Variants in ALG13 observed in about 807,000 individuals in gnomAD.
ALG13 encodes the protein UDP-N-acetylglucosamine transferase subunit ALG13.
In ALG13, 11 loss-of-function variants were observed where a neutral mutation model predicts 87.8. That is an observed-to-expected ratio of 0.13 (90% CI 0.08 to 0.21). ALG13 has a LOEUF of 0.21. ALG13 is among the 10% of genes least tolerant of loss of function. The pLI is 1.00. For missense variants in ALG13, 756 were observed against 866.1 expected (o/e 0.87, Z 1.60); for synonymous variants, 320 against 306.3 (o/e 1.04, Z -0.47).
intron 3 of ALG13, among the ~76,000 whole-genome samples, chrX:111,692,700 T>C (rs1936334231): frequency 8.9e-6 from 1 of 111,972 alleles, no homozygotes. Context: ...CTGTCAGGGA[T>C]TTGTGGCAAA....
Position 111,690,051 on chromosome X carries a change from T to C in ALG13, c.383+4948T>C, listed in dbSNP as rs766868432. ...AGACTTTAAGACAGAATTGTAGACT[T>C]TTGGAGTTGGGAGATAATTTAAAGA... On this transcript the variant is annotated intron_variant, in intron 3 of 26. Coordinates refer to ENST00000394780, the MANE Select transcript of ALG13 (RefSeq NM_001099922.3). The C allele has an allele frequency of 1.5e-5, 11 of 742,285 alleles. No homozygotes were observed. The African/African-American group carries it at 2.3e-4, about 16-fold the overall frequency. The allele number at this position is 742,285 out of a possible 1,213,427, so 61.2% of individuals were successfully genotyped here. A position where few individuals can be genotyped will look rare whatever the true frequency, so the allele number is the denominator to read the frequency against.
chrX:111,681,667 C>T, intron 1 of ALG13: 1 of 896,100 alleles, frequency 1.1e-6, no homozygotes, highest in South Asian at 3.5e-5. Context: ...AGTTTTTCCT[C>T]AGGCCCCCCT....
At chrX:111,703,976 T>G (rs1422746352) in intron 3 of ALG13, among the ~76,000 whole-genome samples, 2 of 112,391 alleles carry the variant, frequency 1.8e-5, no homozygotes, top group African/African-American at 6.5e-5. Flanking sequence ...ACATTCCCAC[T>G]AGCAACGTAT....
intron 3 of ALG13, among the ~76,000 whole-genome samples, chrX:111,707,678 T>C (rs371962563): frequency 9.0e-6 from 1 of 111,610 alleles, no homozygotes; most frequent in Non-Finnish European, 1.9e-5. Flanking sequence ...AGCAGGGAAT[T>C]TGGGGAGAGA....
At chrX:111,754,965 C>T (rs5985642) in intron 25 of ALG13, among the ~76,000 whole-genome samples, 11,190 of 111,472 alleles carry the variant, frequency 0.1, 1,381 homozygotes, top group African/African-American at 0.35. Context: ...ATAGCCAAGA[C>T]AATCCCAAGC....
chrX:111,697,076 C>A (rs965005264), intron 3 of ALG13, among the ~76,000 whole-genome samples: 7 of 104,084 alleles, frequency 6.7e-5, no homozygotes, highest in Admixed American at 6.5e-4. Context: ...TAAGCACGAA[C>A]GTGCTAAACA....
intron 3 of ALG13, among the ~76,000 whole-genome samples, chrX:111,690,696 C>T (rs981391908): frequency 1.4e-4 from 15 of 110,023 alleles, no homozygotes; most frequent in Non-Finnish European, 2.3e-4. Flanking sequence ...TCAGGCAATC[C>T]GCCCGCCTCG....
chrX:111,755,678 A>G lies in ALG13; in HGVS notation c.2974-1910A>G, dbSNP rs191875060. 7.3e-3 allele frequency among the ~76,000 whole-genome samples: 821 copies of G among 112,789 alleles called. 19 individuals carry two copies. Among genetic ancestry groups the G allele is most frequent in the South Asian group, 0.02 (55 of 2,749 alleles). ...GGCCAACAAACAGGAAGAACTCATC[A>G]CTGGTCATTAGAGAAATGCAAATCA... On this transcript the variant is annotated intron_variant, in intron 25 of 26. Coordinates refer to ENST00000394780, the MANE Select transcript of ALG13 (RefSeq NM_001099922.3).
intron 24 of ALG13, among the ~76,000 whole-genome samples, chrX:111,745,177 G>A (rs1373764707): frequency 1.8e-5 from 2 of 111,688 alleles, no homozygotes; most frequent in Non-Finnish European, 3.8e-5. Flanking sequence ...CCCTGAAGAA[G>A]ATTCTCAAAT....
At chrX:111,741,771 T>C (rs1474163619) in intron 23 of ALG13, among the ~76,000 whole-genome samples, 1 of 106,672 alleles carries the variant, frequency 9.4e-6, no homozygotes, top group Non-Finnish European at 1.9e-5. Flanking sequence ...TGAGATCACA[T>C]CATTGCACTC....
chrX:111,752,380 T>TA (rs1944829376), intron 24 of ALG13, among the ~76,000 whole-genome samples: 1 of 111,733 alleles, frequency 8.9e-6, no homozygotes, highest in Non-Finnish European at 1.9e-5. Context: ...TGTGGCAAGA[T>TA]TACATTGATA....
At chrX:111,758,160 A>G (rs542183982) in intron 26 of ALG13, among the ~76,000 whole-genome samples, 1 of 111,999 alleles carries the variant, frequency 8.9e-6, no homozygotes, top group East Asian at 2.8e-4. Context: ...TTTTTACTAA[A>G]TTTTTATCCT....
intron 6 of ALG13, among the ~76,000 whole-genome samples, chrX:111,712,187 C>T (rs1384910078): frequency 1.8e-5 from 2 of 111,974 alleles, no homozygotes; most frequent in African/African-American, 6.5e-5. Flanking sequence ...AGCACATTTA[C>T]TAAATCCCTA....
chrX:111,756,771 A>G (rs1945293453), intron 25 of ALG13, among the ~76,000 whole-genome samples: 2 of 112,250 alleles, frequency 1.8e-5, no homozygotes, highest in African/African-American at 6.5e-5. Context: ...GTCAGTGCCA[A>G]GAAAACTGTC....
intron 23 of ALG13, among the ~76,000 whole-genome samples, chrX:111,743,373 A>G (rs1943932327): frequency 8.9e-6 from 1 of 112,175 alleles, no homozygotes; most frequent in Admixed American, 9.5e-5. Flanking sequence ...ATTTCGAAAT[A>G]TATGACAAAA....
chrX:111,740,449 A>G (rs1326147489), intron 23 of ALG13, among the ~76,000 whole-genome samples: 2 of 111,075 alleles, frequency 1.8e-5, no homozygotes, highest in African/African-American at 3.3e-5. Flanking sequence ...ATATATATAT[A>G]TGTTTCCTCG....
rs1180708275 is a variant in ALG13, at chrX:111,728,304, T to A, written c.2367T>A (p.Asn789Lys). Residue 789 changes from asparagine (N) to lysine (K), a missense_variant and splice_region_variant, in exon 19 of 27, where the codon AAT (asparagine) becomes AAA (lysine). Transcript: ENST00000394780. Reference protein sequence around the residue: ...NLEEGNGQSENGRYHEEYLYR... With the variant: ...NLEEGNGQSEKGRYHEEYLYR... ...AGGAGGGCAATGGCCAGAGTGAAAA[T>A]GGTGAGTCAATTACAGTTAAATATT... 1.7e-6 allele frequency: 2 copies of A among 1,211,078 alleles called. No homozygotes were observed. The highest frequency in any genetic ancestry group is 3.5e-5 in the African/African-American group (2 of 57,775).
At chrX:111,722,462 AGTT>A (rs1342285254) in intron 12 of ALG13, among the ~76,000 whole-genome samples, 2 of 112,265 alleles carry the variant, frequency 1.8e-5, no homozygotes, top group Non-Finnish European at 1.9e-5. Flanking sequence ...AAACACAGTA[AGTT>A]GTTAAAAAAA....
intron 21 of ALG13, among the ~76,000 whole-genome samples, chrX:111,732,933 C>CT (rs905666485): frequency 9.0e-6 from 1 of 111,093 alleles, no homozygotes; most frequent in East Asian, 2.8e-4. Context: ...GACAAGAATA[C>CT]TTTTTTTCTG....
Sources: allele counts gnomAD v4.1 joint callset (sites outside exome capture counted in the v4.1 genomes callset), GRCh38; gene constraint gnomAD v4.1.1; transcripts MANE v1.5; gene names NCBI Gene and HGNC (gene_info 2026-07-23, HGNC 2026-07-21).